The following MTOR variants were observed in gnomAD, a reference collection of about 807,000 sequenced individuals.
The protein encoded by MTOR is serine/threonine-protein kinase mTOR.
MTOR carries 70 observed loss-of-function variants against 319.8 expected under a neutral mutation model. The ratio of observed to expected loss-of-function variants is 0.22; its 90% CI spans 0.18 to 0.27. The LOEUF is 0.27. Among genes scored for constraint, MTOR ranks in the 10% least tolerant of loss-of-function variants. The pLI is 1.00. For missense variants in MTOR, 1,890 were observed against 3,274.4 expected (o/e 0.58, Z 10.32); for synonymous variants, 1,183 against 1,211.4 (o/e 0.98, Z 0.49).
At chr1:11,136,655 T>G (rs559142110) in intron 36 of MTOR, among the ~76,000 whole-genome samples, 1 of 151,890 alleles carries the variant, frequency 6.6e-6, no homozygotes, top group Non-Finnish European at 1.5e-5. Flanking sequence ...CACACCACCA[T>G]GCCCAGTTAA....
intron 9 of MTOR, among the ~76,000 whole-genome samples, chr1:11,242,500 C>CAAAAAAAAAAAAAAAAA (rs70977555): frequency 1.9e-5 from 1 of 52,632 alleles, no homozygotes; most frequent in Non-Finnish European, 3.1e-5. Flanking sequence ...GACTCCATCT[C>CAAAAAAAAAAAAAAAAA]AAAAAAAAAA....
rs199646470 is a variant in MTOR at position 11,130,657 on chromosome 1, T to C, written c.5485A>G (p.Thr1829Ala). The C allele has an allele frequency of 5.6e-6, 9 of 1,612,960 alleles. No individual in the cohort carries two copies. The highest frequency in any genetic ancestry group is 8.5e-7 in the Non-Finnish European group (1 of 1,179,422). Residue 1829 changes from threonine to alanine, a missense_variant, in exon 39 of 58, where the codon ACC (threonine) becomes GCC (alanine). This residue lies in a region of MTOR where 91 missense variants were observed against 90.4 expected (regional missense o/e 1.01). Transcript: ENST00000361445. ...HASGANITNA[T>A]TAATTAATAT... ...GTGGCGGCCGTGGTGGCGGCAGTGG[T>C]GGCGTTGGTGATGTTGGCCCCGCTG... is the stretch of plus-strand genomic sequence containing the variant.
intron 31 of MTOR, chr1:11,149,534 A>C (rs1008052387): frequency 6.6e-6 from 1 of 152,434 alleles, no homozygotes. Flanking sequence ...TTTATAATAA[A>C]CAAGTAAATG....
intron 24 of MTOR, among the ~76,000 whole-genome samples, chr1:11,210,176 A>G (rs1253013416): frequency 6.6e-6 from 1 of 151,842 alleles, no homozygotes; most frequent in Non-Finnish European, 1.5e-5. Flanking sequence ...CCTTTAATCT[A>G]CTTTGAGATA....
At chr1:11,230,783 A>G in intron 18 of MTOR, 142 bp downstream of exon 18, 1 of 1,112,286 alleles carries the variant, frequency 9.0e-7, no homozygotes, top group African/African-American at 1.6e-5. Context: ...AGAAGAAACT[A>G]CTGACTTTTC....
At chr1:11,243,411 G>T in intron 8 of MTOR, 111 bp from the exon 9 acceptor site, 1 of 1,033,450 alleles carries the variant, frequency 9.7e-7, no homozygotes, top group African/African-American at 1.6e-5. Flanking sequence ...TAAGAAAGTG[G>T]CCAGGCACAG....
chr1:11,114,515 A>AG, intron 52 of MTOR, 62 bp from the exon 53 acceptor site: 1 of 1,605,452 alleles, frequency 6.2e-7, no homozygotes. Context: ...AAGCAAGCCG[A>AG]GGGGGTCTGT....
intron 6 of MTOR, among the ~76,000 whole-genome samples, chr1:11,251,987 G>C (rs755130825): frequency 3.9e-5 from 6 of 152,090 alleles, no homozygotes; most frequent in Non-Finnish European, 7.4e-5. Flanking sequence ...TTTATAGAAT[G>C]CCCACTATGT....
chr1:11,150,052 C>T (rs773264766), intron 31 of MTOR, 74 bp downstream of exon 31: 4 of 1,359,092 alleles, frequency 2.9e-6, no homozygotes, highest in Non-Finnish European at 4.2e-6. Flanking sequence ...AGAGCCAGCA[C>T]CTTACTCTTC....
chr1:11,248,243 A>C, intron 6 of MTOR, 149 bp from the exon 7 acceptor site: 1 of 838,202 alleles, frequency 1.2e-6, no homozygotes, highest in Non-Finnish European at 1.8e-6. Flanking sequence ...GTTTAGGGTT[A>C]CAATTTCCCC....
chr1:11,187,233 G>A (rs1158297770), intron 28 of MTOR, among the ~76,000 whole-genome samples: 3 of 151,598 alleles, frequency 2.0e-5, no homozygotes, highest in Admixed American at 1.3e-4. Context: ...AAGGCAGCAG[G>A]GTCACGTGGG....
intron 33 of MTOR, 90 bp from the exon 34 acceptor site, chr1:11,144,845 G>A: frequency 1.3e-6 from 2 of 1,512,762 alleles, no homozygotes; most frequent in Non-Finnish European, 1.8e-6. Context: ...TGGTGTCAGG[G>A]TATCTGCCGA....
chr1:11,262,338 C>G (rs1241653011), intron 1 of MTOR, 107 bp downstream of exon 1: 1 of 152,376 alleles, frequency 6.6e-6, no homozygotes, highest in East Asian at 1.9e-4. Flanking sequence ...AATGTGGGGA[C>G]CCCACGTCCC....
chr1:11,257,862 C>T (rs1650618405), intron 3 of MTOR, among the ~76,000 whole-genome samples: 1 of 152,068 alleles, frequency 6.6e-6, no homozygotes. Flanking sequence ...GTAATCCCAG[C>T]ACTCTGGGAG....
intron 38 of MTOR, 107 bp downstream of exon 38, chr1:11,132,973 C>T: frequency 1.1e-6 from 1 of 933,072 alleles, no homozygotes; most frequent in Non-Finnish European, 1.7e-6. Flanking sequence ...GGAGTAAGTT[C>T]ACAGCATCAG....
chr1:11,152,000 T>C (rs1267145809), intron 30 of MTOR, among the ~76,000 whole-genome samples: 3 of 152,160 alleles, frequency 2.0e-5, no homozygotes, highest in Admixed American at 6.6e-5. Flanking sequence ...GGGAGCAATG[T>C]AGGAACAGCA....
chr1:11,189,948 C>T (rs1252818766), intron 28 of MTOR: 3 of 1,608,102 alleles, frequency 1.9e-6, no homozygotes, highest in Non-Finnish European at 2.5e-6. Flanking sequence ...TCACTCAGAC[C>T]TCCGCAGGTA....
chr1:11,175,714 A>G (rs777162817), intron 28 of MTOR, among the ~76,000 whole-genome samples: 5 of 149,080 alleles, frequency 3.4e-5, no homozygotes, highest in Non-Finnish European at 5.9e-5. Flanking sequence ...CTGCCTCCCC[A>G]TAGCCCTTTC....
chr1:11,228,327 T>C (rs758195836), intron 19 of MTOR, among the ~76,000 whole-genome samples: 2 of 152,058 alleles, frequency 1.3e-5, no homozygotes, highest in African/African-American at 2.4e-5. Context: ...TAGCTGGGAT[T>C]ATAGGCGTGC....
Sources: gnomAD v4.1 joint callset for allele counts (sites outside exome capture counted in the v4.1 genomes callset) on GRCh38, gnomAD v4.1.1 for gene constraint, gnomAD v4.1.1 regional missense constraint, MANE v1.5 for transcripts, NCBI Gene and HGNC (gene_info 2026-07-23, HGNC 2026-07-21) for gene names.